CPVL: variants seen among roughly 807,000 people sequenced by gnomAD.
The protein encoded by CPVL is probable serine carboxypeptidase CPVL.
In CPVL, 51 loss-of-function variants were observed where a neutral mutation model predicts 63.7. That is an observed-to-expected ratio of 0.80 (90% CI 0.64 to 1.01). CPVL has a LOEUF of 1.01. CPVL is among the 50% of genes least tolerant of loss of function. The pLI is 0.00. For missense variants in CPVL, 530 were observed against 573.1 expected, an observed-to-expected ratio of 0.92 and a Z score of 0.77; for synonymous variants, 195 against 206.0, an observed-to-expected ratio of 0.95 and a Z score of 0.46.
intron 11 of CPVL, among the ~76,000 whole-genome samples, chr7:29,046,684 A>C (rs1333448776): frequency 6.6e-6 from 1 of 152,196 alleles, no homozygotes; most frequent in Non-Finnish European, 1.5e-5. Context: ...AGGGGGTTGA[A>C]AACATTTTCA....
chr7:28,996,108 G>T, intron 12 of CPVL: 1 of 449,690 alleles, frequency 2.2e-6, no homozygotes, highest in South Asian at 3.6e-5. Flanking sequence ...ACGCAAAGTT[G>T]TATTCTTTTC....
At chr7:29,153,609 G>T (rs928582156) in intron 5 of CPVL, among the ~76,000 whole-genome samples, 98 of 151,982 alleles carry the variant, frequency 6.4e-4, no homozygotes, top group Non-Finnish European at 1.0e-4. Context: ...ACTCACTTTT[G>T]CCCAGGCTGA....
rs1783296527 is a variant in CPVL at position 29,067,905 on chromosome 7, A to G, written c.865-1784T>C. On this transcript the variant is annotated intron_variant, in intron 9 of 12. Transcript: ENST00000265394. ...TGAGCCTGCACACTCAACCACGCAC[A>G]CACTGGCTCCCAGCAGTCAGCCTGC... 2.6e-5 allele frequency among the ~76,000 whole-genome samples: 4 copies of G among 152,194 alleles called. No homozygotes were observed. The South Asian group carries it at 8.3e-4, about 32-fold the overall frequency.
chr7:29,009,314 G>T (rs546576956), intron 12 of CPVL: 172 of 152,042 alleles, frequency 1.1e-3, no homozygotes, highest in African/African-American at 4.1e-3. Context: ...AGAACTAGAG[G>T]CAAGTCCAAG....
intron 7 of CPVL, among the ~76,000 whole-genome samples, chr7:29,076,159 C>G (rs1391843074): frequency 6.6e-6 from 1 of 152,004 alleles, no homozygotes; most frequent in Non-Finnish European, 1.5e-5. Context: ...GGTGTGACTG[C>G]CTTATGGATT....
intron 12 of CPVL, among the ~76,000 whole-genome samples, chr7:29,004,732 A>G (rs1393533548): frequency 2.6e-5 from 4 of 152,160 alleles, no homozygotes; most frequent in Non-Finnish European, 4.4e-5. Context: ...CCTAGGACCA[A>G]GAGGTTTCTG....
intron 1 of CPVL, among the ~76,000 whole-genome samples, chr7:29,140,062 G>A (rs955642620): frequency 6.6e-6 from 1 of 152,126 alleles, no homozygotes; most frequent in African/African-American, 2.4e-5. Flanking sequence ...AGGAGCATAT[G>A]AGCTTTTCCC....
In CPVL at chr7:29,106,691, T is replaced by C. The variant is rs62444089; in HGVS notation, c.288+6013A>G. Among the ~76,000 whole-genome samples the C allele has an allele frequency of 4.1e-3, 619 of 151,744 alleles. 3 individuals are homozygous for C. The highest frequency in any genetic ancestry group is 7.3e-3 in the Non-Finnish European group (496 of 67,896). The stretch of plus-strand genomic sequence containing the variant: ...CTGAGAGGCAAAAAAAAACAAAAAT[T>C]AAAAGTAGCTCGCATAGTAATCCCC... On this transcript the variant is annotated intron_variant, in intron 3 of 12. Coordinates refer to ENST00000265394, the MANE Select transcript of CPVL (RefSeq NM_031311.5).
chr7:29,160,265 T>G (rs192001502), intron 5 of CPVL, among the ~76,000 whole-genome samples: 3 of 152,214 alleles, frequency 2.0e-5, no homozygotes, highest in Admixed American at 2.0e-4. Context: ...GTGACAGACA[T>G]GAGCAGTACA....
chr7:29,028,820 C>G (rs1787739878), intron 12 of CPVL, among the ~76,000 whole-genome samples: 1 of 151,952 alleles, frequency 6.6e-6, no homozygotes, highest in Non-Finnish European at 1.5e-5. Context: ...AAAAACTTAG[C>G]CGGGTGTGGT....
intron 11 of CPVL, among the ~76,000 whole-genome samples, chr7:29,035,627 A>C (rs527433963): frequency 1.5e-5 from 2 of 135,800 alleles, no homozygotes; most frequent in Non-Finnish European, 3.1e-5. Flanking sequence ...TAAAAACAGG[A>C]GCTCCCGAGT....
intron 5 of CPVL, among the ~76,000 whole-genome samples, chr7:29,152,112 CTA>C (rs1472385155): frequency 2.6e-5 from 4 of 152,192 alleles, no homozygotes; most frequent in Non-Finnish European, 5.9e-5. Context: ...AAAAGTGACT[CTA>C]TAGCCTCTGA....
chr7:29,103,931 T>C (rs1345587127), intron 3 of CPVL, among the ~76,000 whole-genome samples: 1 of 152,222 alleles, frequency 6.6e-6, no homozygotes, highest in African/African-American at 2.4e-5. Context: ...TAAATGTCTT[T>C]AAATTCCCAC....
intron 1 of CPVL, among the ~76,000 whole-genome samples, chr7:29,131,851 A>G (rs1011711029): frequency 6.6e-6 from 1 of 152,206 alleles, no homozygotes. Context: ...TAGCACTTCA[A>G]TAGAGGCCCA....
chr7:29,074,091 GAC>G (rs1784004545), intron 7 of CPVL, among the ~76,000 whole-genome samples: 1 of 152,144 alleles, frequency 6.6e-6, no homozygotes, highest in Admixed American at 6.5e-5. Context: ...TCAAGATGAG[GAC>G]ACTGAGGCTC....
At chr7:29,079,869 G>C (rs925579251) in intron 7 of CPVL, among the ~76,000 whole-genome samples, 2 of 152,198 alleles carry the variant, frequency 1.3e-5, no homozygotes, top group Non-Finnish European at 2.9e-5. Context: ...AACATGTTGA[G>C]AGTCCACCCT....
intron 11 of CPVL, among the ~76,000 whole-genome samples, chr7:29,043,431 G>C (rs543746069): frequency 6.6e-6 from 1 of 152,210 alleles, no homozygotes; most frequent in African/African-American, 2.4e-5. Context: ...CCCCTGTTGG[G>C]AGACTAAAGC....
At chr7:29,015,109 C>G (rs912976038) in intron 12 of CPVL, among the ~76,000 whole-genome samples, 6 of 152,214 alleles carry the variant, frequency 3.9e-5, no homozygotes. Context: ...TAGAAAAGCA[C>G]AATTAGGAAG....
chr7:29,103,475 G>C (rs377678628), intron 3 of CPVL, among the ~76,000 whole-genome samples: 1 of 148,940 alleles, frequency 6.7e-6, no homozygotes, highest in African/African-American at 2.5e-5. Flanking sequence ...GGCTGGTCTC[G>C]AACTCTTAAC....
Sources: allele counts gnomAD v4.1 joint callset (sites outside exome capture counted in the v4.1 genomes callset), GRCh38; gene constraint gnomAD v4.1.1; transcripts MANE v1.5; gene names NCBI Gene and HGNC (gene_info 2026-07-23, HGNC 2026-07-21).